Variants in GAA observed in about 807,000 individuals in gnomAD.
GAA encodes the protein lysosomal alpha-glucosidase.
GAA carries 88 observed loss-of-function variants against 103.9 expected under a neutral mutation model. The ratio of observed to expected loss-of-function variants is 0.85; its 90% CI spans 0.71 to 1.01. The LOEUF is 1.01. Among genes scored for constraint, GAA ranks in the 50% least tolerant of loss-of-function variants. The probability of loss-of-function intolerance (pLI) is 0.00; values close to 1 mark genes in which losing one functional copy is unlikely to be tolerated. For synonymous variants in GAA, 572 were observed against 563.1 expected, an observed-to-expected ratio of 1.02 and a Z score of -0.22; for missense variants, 1,350 against 1,305.3, an observed-to-expected ratio of 1.03 and a Z score of -0.53.
Position 80,119,310 on chromosome 17 carries a change from G to GT in GAA, c.2841dup (p.Leu948SerfsTer70). The GT allele has an allele frequency of 6.2e-7, 1 of 1,614,084 alleles. No homozygotes were observed. ...GTGTCTCGCTGTTGATGGGAGAGCAGTTTCTCGTCAGCTGGTGTTAGCCGG... is the reference window on the plus strand; with the variant it reads ...GTGTCTCGCTGTTGATGGGAGAGCAGTTTTCTCGTCAGCTGGTGTTAGCCGG... On this transcript the variant is annotated frameshift_variant, in exon 20 of 20. Transcript: ENST00000302262. LOFTEE classifies it high-confidence loss of function.
chr17:80,118,415 G>A (rs1394298585), intron 18 of GAA, 58 bp downstream of exon 18: 2 of 1,557,416 alleles, frequency 1.3e-6, no homozygotes, highest in Non-Finnish European at 1.7e-6. Flanking sequence ...TTGAGAAGGG[G>A]TGAGGGGACC....
intron 1 of GAA, among the ~76,000 whole-genome samples, chr17:80,103,680 C>G (rs1039247567): frequency 1.3e-5 from 2 of 152,166 alleles, no homozygotes; most frequent in Non-Finnish European, 2.9e-5. Flanking sequence ...GTACCCGAGG[C>G]TCCAGGTGCA....
chr17:80,118,544 C>G, intron 18 of GAA, 109 bp from the exon 19 acceptor site: 2 of 1,424,044 alleles, frequency 1.4e-6, no homozygotes, highest in Non-Finnish European at 9.8e-7. Context: ...AGAGGGAGGT[C>G]ACCTCCCTGA....
At chr17:80,105,186 T>A (rs1208403688) in intron 2 of GAA, 54 bp downstream of exon 2, 71 of 1,514,608 alleles carry the variant, frequency 4.7e-5, no homozygotes, top group Non-Finnish European at 6.2e-5. Flanking sequence ...CGCGTGGACA[T>A]CGACACCCAC....
At position 80,104,724 on chromosome 17, in the gene GAA, C is replaced by G. The variant is rs753375900; in HGVS notation, c.138C>G (p.Ser46=). ...LLVPRELSGS[S]PVLEETHPAH... is the part of the protein sequence containing the mutation. ...TTCCCCGAGAGCTGAGTGGCTCCTC[C>G]CCAGTCCTGGAGGAGACTCACCCAG... The change falls in exon 2 of 20, where the codon TCC becomes TCG. Residue 46 remains serine (S), a synonymous_variant. Coordinates refer to ENST00000302262, the MANE Select transcript of GAA (RefSeq NM_000152.5). This position sits in a 1 kb window ranked among gnomAD's most constrained non-coding sequence, Gnocchi z 4.0. 1.9e-6 allele frequency: 3 copies of G among 1,612,306 alleles called. No homozygotes were observed. The highest frequency in any genetic ancestry group is 2.5e-6 in the Non-Finnish European group (3 of 1,179,694).
rs1555600166 is a variant in GAA, at chr17:80,108,696, G to A, written c.1195-1G>A. On this transcript the variant is annotated splice_acceptor_variant, in intron 7 of 19. Coordinates refer to ENST00000302262, the MANE Select transcript of GAA (RefSeq NM_000152.5). LOFTEE classifies it high-confidence loss of function. ...CAGACGGTCCCGTGTTGTGGCTGCA[G>A]GACGTCCAGTGGAACGACCTGGACT... The A allele has an allele frequency of 6.2e-7, 1 of 1,612,744 alleles. No individual in the cohort carries two copies. The highest frequency in any genetic ancestry group is 8.5e-7 in the Non-Finnish European group (1 of 1,179,974).
At chr17:80,114,501 C>T (rs2039320465) in intron 15 of GAA, among the ~76,000 whole-genome samples, 1 of 150,904 alleles carries the variant, frequency 6.6e-6, no homozygotes. Flanking sequence ...CTGATGCCAA[C>T]TTGCTTTCAA....
In GAA at chr17:80,118,316, G is replaced by C; in HGVS notation, c.2605G>C (p.Glu869Gln). 1 of 1,584,376 alleles carries C rather than the reference G, an allele frequency of 6.3e-7. No individual in the cohort carries two copies. ...CGATGGAGAGAGCCTGGAAGTGCTGGAGCGAGGGGCCTACACACAGGTCAT... is the reference window on the plus strand; with the variant it reads ...CGATGGAGAGAGCCTGGAAGTGCTGCAGCGAGGGGCCTACACACAGGTCAT... ...WDDGESLEVL[E>Q]RGAYTQVIFL... The change falls in exon 18 of 20, where the codon GAG becomes CAG. Residue 869 changes from glutamate to glutamine, a missense_variant. Physicochemically the swap from Glu to Gln is conservative, Grantham distance 29. Coordinates refer to ENST00000302262, the MANE Select transcript of GAA (RefSeq NM_000152.5).
rs775384900 is a variant in GAA, at chr17:80,108,345, G to A, written c.1011G>A (p.Leu337=). 1 of 1,613,704 alleles carries A rather than the reference G, an allele frequency of 6.2e-7. No homozygotes were observed. The highest frequency in any genetic ancestry group is 8.5e-7 in the Non-Finnish European group (1 of 1,180,042). ...GCTGGAGGTCGACAGGTGGGATCCTGGATGTCTACATCTTCCTGGGCCCAG... is the reference window on the plus strand; with the variant it reads ...GCTGGAGGTCGACAGGTGGGATCCTAGATGTCTACATCTTCCTGGGCCCAG... ...ALSWRSTGGI[L]DVYIFLGPEP... is the part of the protein sequence containing the mutation. Residue 337 remains leucine (L), a synonymous_variant, in exon 6 of 20, where the codon CTG becomes CTA. Transcript: ENST00000302262.
At position 80,110,020 on chromosome 17, in the gene GAA, A is replaced by T. The variant is rs886043148; in HGVS notation, c.1402A>T (p.Ile468Phe). 5 of 1,613,098 alleles carry T rather than the reference A, an allele frequency of 3.1e-6. No individual in the cohort carries two copies. Among genetic ancestry groups the T allele is most frequent in the Admixed American group, 1.7e-5 (1 of 59,986 alleles). Residue 468 changes from isoleucine (I) to phenylalanine (F), a missense_variant, in exon 9 of 20, where the codon ATC becomes TTC. Transcript: ENST00000302262. ...YDEGLRRGVF[I>F]TNETGQPLIG... ...CGAGGGTCTGCGGAGGGGGGTTTTC[A>T]TCACCAACGAGACCGGCCAGCCGCT...
chr17:80,117,462 G>A, intron 16 of GAA, 138 bp from the exon 17 acceptor site: 1 of 1,025,594 alleles, frequency 9.8e-7, no homozygotes, highest in East Asian at 2.4e-5. Context: ...GTCTGCGCCT[G>A]AAGTCACAGT....
In GAA at chr17:80,104,844, C is replaced by A. The variant is rs146615896; in HGVS notation, c.258C>A (p.Pro86=). 3.0e-4 allele frequency: 487 copies of A among 1,612,894 alleles called. 3 individuals carry two copies. The African/African-American group carries it at 5.1e-3, about 17-fold the overall frequency. The change falls in exon 2 of 20, where the codon CCC becomes CCA. Residue 86 remains proline (P), a synonymous_variant. Transcript: ENST00000302262. The surrounding 1 kb of genome is among the most constrained non-coding windows in gnomAD (Gnocchi z 4.0). The part of the protein sequence containing the change: ...RAVPTQCDVP[P]NSRFDCAPDK... ...TGCCCACACAGTGCGACGTCCCCCC[C>A]AACAGCCGCTTCGATTGCGCCCCTG... is the stretch of plus-strand genomic sequence containing the variant.
At chr17:80,116,854 C>A (rs2039361821) in intron 15 of GAA, 114 bp from the exon 16 acceptor site, 1 of 1,231,408 alleles carries the variant, frequency 8.1e-7, no homozygotes. Context: ...CCTCCGGCAC[C>A]TTGAGCTCCA....
intron 14 of GAA, 82 bp from the exon 15 acceptor site, chr17:80,113,136 G>A: frequency 1.3e-6 from 2 of 1,541,464 alleles, no homozygotes; most frequent in South Asian, 1.2e-5. Context: ...TGGCTGAGAA[G>A]TGCAGCTCTC....
At chr17:80,114,021 C>G (rs1325181096) in intron 15 of GAA, among the ~76,000 whole-genome samples, 1 of 145,258 alleles carries the variant, frequency 6.9e-6, no homozygotes, top group African/African-American at 2.5e-5. Flanking sequence ...AAAAAAAAAC[C>G]AAGCTGTGAA....
intron 16 of GAA, 46 bp from the exon 17 acceptor site, chr17:80,117,554 G>A (rs1473449093): frequency 1.9e-6 from 3 of 1,609,940 alleles, no homozygotes; most frequent in East Asian, 4.5e-5. Flanking sequence ...GACAGCATGG[G>A]GGCCTCGGCA....
Position 80,108,705 on chromosome 17 carries a change from G to A in GAA, c.1203G>A (p.Gln401=), listed in dbSNP as rs1800304. ...MTRAHFPLDV[Q]WNDLDYMDSR... ...CCGTGTTGTGGCTGCAGGACGTCCA[G>A]TGGAACGACCTGGACTACATGGACT... The change falls in exon 8 of 20, where the codon CAG becomes CAA. Residue 401 remains glutamine, a synonymous_variant. Coordinates refer to ENST00000302262, the MANE Select transcript of GAA (RefSeq NM_000152.5). 0.71 allele frequency: 1,138,699 copies of A among 1,612,268 alleles called. 406,010 individuals are homozygous for A. Among genetic ancestry groups the A allele is most frequent in the Middle Eastern group, 0.8 (4,835 of 6,058 alleles).
rs781124934 is a variant in GAA, at chr17:80,105,047, G to A, written c.461G>A (p.Arg154His). The A allele has an allele frequency of 1.1e-5, 18 of 1,612,758 alleles. No homozygotes were observed. Among genetic ancestry groups the A allele is most frequent in the African/African-American group, 4.0e-5 (3 of 74,908 alleles). ...SEMGYTATLT[R>H]TTPTFFPKDI... ...ATGGGCTACACGGCCACCCTGACCC[G>A]TACCACCCCCACCTTCTTCCCCAAG... Residue 154 changes from arginine to histidine, a missense_variant, in exon 2 of 20, where the codon CGT becomes CAT. By Grantham distance (29) the Arg-to-His change is conservative. Transcript: ENST00000302262.
intron 11 of GAA, among the ~76,000 whole-genome samples, chr17:80,111,491 G>A (rs977691020): frequency 1.3e-5 from 2 of 152,230 alleles, no homozygotes; most frequent in Non-Finnish European, 2.9e-5. Context: ...GCTGAAGGCA[G>A]GCCAGGGTGA....
Sources: gnomAD v4.1 joint callset for allele counts (sites outside exome capture counted in the v4.1 genomes callset) on GRCh38, gnomAD v4.1.1 for gene constraint, Gnocchi (gnomAD v3.1) non-coding constraint, MANE v1.5 for transcripts, NCBI Gene and HGNC (gene_info 2026-07-23, HGNC 2026-07-21) for gene names.